TENM2: variants seen among roughly 807,000 people sequenced by gnomAD.
TENM2 encodes teneurin transmembrane protein 2, also known as teneurin-2.
In TENM2, 52 loss-of-function variants were observed where a neutral mutation model predicts 245.2. The observed-to-expected ratio is 0.21, with a 90% CI of 0.17 to 0.27. The LOEUF is 0.27. Among genes scored for constraint, TENM2 ranks in the 10% least tolerant of loss-of-function variants. The probability of loss-of-function intolerance (pLI) is 1.00; values close to 1 mark genes in which losing one functional copy is unlikely to be tolerated. For missense variants in TENM2, 3,046 were observed against 3,666.8 expected (o/e 0.83, Z 4.37); for synonymous variants, 1,363 against 1,438.9 (o/e 0.95, Z 1.19).
Position 168,125,157 on chromosome 5 carries a change from G to A in TENM2, c.2209+107G>A, listed in dbSNP as rs1000840280. On this transcript the variant is annotated intron_variant, in intron 11 of 28. Transcript: ENST00000518659. Reference sequence around the variant, plus strand: ...CTCTTAATACTTAGCTGGGGATAAGGGGACTTTGATGAATCACATTGTGTC... The same window carrying A: ...CTCTTAATACTTAGCTGGGGATAAGAGGACTTTGATGAATCACATTGTGTC... The A allele has an allele frequency of 1.4e-5, 13 of 953,922 alleles. No homozygotes were observed. The Admixed American group carries it at 2.6e-4, about 19-fold the overall frequency. The allele number at this position is 953,922 out of a possible 1,614,324, so 59.1% of individuals were successfully genotyped here. A position where few individuals can be genotyped will look rare whatever the true frequency, so the allele number is the denominator to read the frequency against.
the TENM2 span, among the ~76,000 whole-genome samples, chr5:167,142,026 G>A: frequency 7.2e-5 from 11 of 152,182 alleles, no homozygotes; most frequent in Admixed American, 3.9e-4. Context: ...AACTCGGAGG[G>A]GGGGGATGAA....
At chr5:167,345,248 C>G (rs747709792) in intron 1 of TENM2, among the ~76,000 whole-genome samples, 1 of 152,172 alleles carries the variant, frequency 6.6e-6, no homozygotes, top group African/African-American at 2.4e-5. Context: ...CTTCACGTCA[C>G]GATTGCATGA....
chr5:168,158,569 C>A (rs530185529), intron 12 of TENM2, among the ~76,000 whole-genome samples: 1 of 151,674 alleles, frequency 6.6e-6, no homozygotes, highest in South Asian at 2.1e-4. Context: ...CATTGTGGGG[C>A]CTGTCCTGTG....
At chr5:167,470,785 T>C (rs1766975673) in intron 2 of TENM2, among the ~76,000 whole-genome samples, 1 of 151,992 alleles carries the variant, frequency 6.6e-6, no homozygotes, top group South Asian at 2.1e-4. Context: ...GAGGTAGCCA[T>C]TTACAATTCA....
chr5:167,925,042 A>G (rs971343192), intron 3 of TENM2, among the ~76,000 whole-genome samples: 5 of 152,110 alleles, frequency 3.3e-5, no homozygotes, highest in African/African-American at 1.2e-4. Flanking sequence ...CCCCAAATAA[A>G]AATATATGTT....
At chr5:167,109,850 C>T in the TENM2 span, among the ~76,000 whole-genome samples, 1 of 152,144 alleles carries the variant, frequency 6.6e-6, no homozygotes, top group African/African-American at 2.4e-5. Flanking sequence ...CAAGTGTGGT[C>T]CTTAGGGCCT....
chr5:168,058,533 G>A (rs1358764558), intron 6 of TENM2, among the ~76,000 whole-genome samples: 7 of 152,300 alleles, frequency 4.6e-5, no homozygotes, highest in African/African-American at 1.7e-4. Flanking sequence ...GGTTGGGGTG[G>A]TATTGTAAAG....
At chr5:167,852,975 T>A (rs940145325) in intron 2 of TENM2, among the ~76,000 whole-genome samples, 2 of 152,026 alleles carry the variant, frequency 1.3e-5, no homozygotes, top group African/African-American at 4.8e-5. Context: ...TGGGACACAA[T>A]TTTTTGTTCT....
At chr5:167,329,836 A>T (rs1022275273) in intron 1 of TENM2, among the ~76,000 whole-genome samples, 1 of 152,202 alleles carries the variant, frequency 6.6e-6, no homozygotes, top group Non-Finnish European at 1.5e-5. Context: ...ATTTAAAGAC[A>T]TTCTTTCTCA....
the TENM2 span, among the ~76,000 whole-genome samples, chr5:167,136,589 C>T: frequency 6.6e-6 from 1 of 152,100 alleles, no homozygotes; most frequent in Non-Finnish European, 1.5e-5. Context: ...ACATTTTGAT[C>T]CACCCCTATT....
At chr5:167,499,101 A>G (rs1359705789) in intron 2 of TENM2, among the ~76,000 whole-genome samples, 1 of 152,024 alleles carries the variant, frequency 6.6e-6, no homozygotes, top group African/African-American at 2.4e-5. Flanking sequence ...TTTCACACCT[A>G]GCTTCATCCC....
At chr5:168,123,888 A>G (rs1008561904) in intron 10 of TENM2, among the ~76,000 whole-genome samples, 8 of 152,230 alleles carry the variant, frequency 5.3e-5, no homozygotes, top group Non-Finnish European at 1.2e-4. Context: ...GGCTTCCTCT[A>G]AAAGGCCCTA....
At chr5:167,364,359 T>C (rs988388599) in intron 1 of TENM2, among the ~76,000 whole-genome samples, 2 of 152,208 alleles carry the variant, frequency 1.3e-5, no homozygotes, top group Middle Eastern at 6.8e-3. Flanking sequence ...TTAAATAATT[T>C]ATTAACTGAC....
intron 2 of TENM2, among the ~76,000 whole-genome samples, chr5:167,831,328 A>G (rs560011704): frequency 1.5e-4 from 23 of 152,260 alleles, no homozygotes; most frequent in Admixed American, 5.9e-4. Context: ...TGGGTAGACA[A>G]TTAAATAAAG....
chr5:167,418,053 G>T (rs1417344357), intron 2 of TENM2, among the ~76,000 whole-genome samples: 1 of 152,152 alleles, frequency 6.6e-6, no homozygotes, highest in Non-Finnish European at 1.5e-5. Flanking sequence ...TGGAGAGCTG[G>T]GCACGGTGGC....
At chr5:167,324,595 G>A (rs575274533) in intron 1 of TENM2, among the ~76,000 whole-genome samples, 3 of 151,478 alleles carry the variant, frequency 2.0e-5, no homozygotes, top group South Asian at 2.1e-4. Flanking sequence ...AAACTAAATC[G>A]AACCAGGTAG....
intron 12 of TENM2, among the ~76,000 whole-genome samples, chr5:168,143,147 C>A (rs1174958907): frequency 2.0e-5 from 3 of 152,058 alleles, no homozygotes; most frequent in Non-Finnish European, 4.4e-5. Flanking sequence ...AGTTTTGGAG[C>A]ATTCAGGCTT....
At chr5:167,809,666 C>T (rs1766483283) in intron 2 of TENM2, among the ~76,000 whole-genome samples, 1 of 152,038 alleles carries the variant, frequency 6.6e-6, no homozygotes, top group Admixed American at 6.6e-5. Context: ...CAGAAATGTG[C>T]TTGTGTTGGC....
chr5:167,161,309 C>T, the TENM2 span, among the ~76,000 whole-genome samples: 4 of 152,122 alleles, frequency 2.6e-5, no homozygotes, highest in African/African-American at 9.7e-5. Flanking sequence ...TCGACTATAC[C>T]CTGCTTCTCC....
Sources: allele counts gnomAD v4.1 joint callset (sites outside exome capture counted in the v4.1 genomes callset), GRCh38; gene constraint gnomAD v4.1.1; transcripts MANE v1.5; gene names NCBI Gene and HGNC (gene_info 2026-07-23, HGNC 2026-07-21).